MEI1: variants seen among roughly 807,000 people sequenced by gnomAD.
MEI1 encodes the protein meiotic double-stranded break formation protein 1, also known as meiosis inhibitor protein 1.
A neutral mutation model predicts 146.2 loss-of-function variants in MEI1; 103 were observed. That is an observed-to-expected ratio of 0.70 (90% confidence interval 0.60 to 0.83). The LOEUF (loss-of-function observed/expected upper bound fraction) is 0.83. MEI1 is among the 40% of genes least tolerant of loss of function. The probability of loss-of-function intolerance (pLI) is 0.00; values close to 1 mark genes in which losing one functional copy is unlikely to be tolerated. For synonymous variants in MEI1, 652 were observed against 628.2 expected (o/e 1.04, Z -0.57); for missense variants, 1,529 against 1,533.0 (o/e 1.00, Z 0.04).
At chr22:41,750,973 G>A (rs763433075) in intron 15 of MEI1, among the ~76,000 whole-genome samples, 1 of 130,806 alleles carries the variant, frequency 7.6e-6, no homozygotes, top group Non-Finnish European at 1.7e-5. Context: ...AGATCTCTTG[G>A]GGGCAGTGGT....
chr22:41,763,496 T>C (rs535160068), intron 19 of MEI1, among the ~76,000 whole-genome samples, 175 bp downstream of exon 19: 30 of 147,376 alleles, frequency 2.0e-4, no homozygotes, highest in Admixed American at 5.5e-4. Flanking sequence ...CCTGTATAAT[T>C]TACCTAATTA....
chr22:41,736,437 T>C (rs1424784753), intron 11 of MEI1, among the ~76,000 whole-genome samples: 3 of 151,980 alleles, frequency 2.0e-5, no homozygotes, highest in African/African-American at 7.2e-5. Context: ...GTATTTTTAG[T>C]AGAGACAGGG....
intron 18 of MEI1, among the ~76,000 whole-genome samples, chr22:41,760,024 A>G (rs972938715): frequency 1.3e-5 from 2 of 151,932 alleles, no homozygotes; most frequent in Non-Finnish European, 2.9e-5. Context: ...AAATACAAAA[A>G]TCAGGCCGGG....
chr22:41,795,303 T>G lies in MEI1; in HGVS notation c.3535-108T>G, dbSNP rs1210185123. On this transcript the variant is annotated intron_variant, in intron 28 of 30. Transcript: ENST00000401548. This position sits in a 1 kb window ranked among gnomAD's most constrained non-coding sequence, Gnocchi z 4.2. Reference sequence around the variant, plus strand: ...TCTGAGCTCCTTGAAGGCAGGCAGGTTCTGTGGGCTTCAGGACAGTGTCTC... The same window carrying G: ...TCTGAGCTCCTTGAAGGCAGGCAGGGTCTGTGGGCTTCAGGACAGTGTCTC... 2.0e-6 allele frequency: 3 copies of G among 1,467,868 alleles called. No homozygotes were observed. The highest frequency in any genetic ancestry group is 2.8e-6 in the Non-Finnish European group (3 of 1,075,116). The allele number at this position is 1,467,868 out of a possible 1,614,324, so 90.9% of individuals were successfully genotyped here. A position where few individuals can be genotyped will look rare whatever the true frequency, so the allele number is the denominator to read the frequency against.
Position 41,757,675 on chromosome 22 carries a change from A to G in MEI1, c.1952-690A>G, listed in dbSNP as rs532289809. Among the ~76,000 whole-genome samples the G allele has an allele frequency of 5.3e-5, 8 of 152,108 alleles. No homozygotes were observed. The South Asian group carries it at 1.2e-3, about 24-fold the overall frequency. On this transcript the variant is annotated intron_variant, in intron 17 of 30. Coordinates refer to ENST00000401548, the MANE Select transcript of MEI1 (RefSeq NM_152513.4). Reference sequence around the variant, plus strand: ...CTTCCTCTTTGACCTTTCCTTCCCCATGCCAGGCAGCCTGAGTCACTCCCT... The same window carrying G: ...CTTCCTCTTTGACCTTTCCTTCCCCGTGCCAGGCAGCCTGAGTCACTCCCT...
intron 7 of MEI1, among the ~76,000 whole-genome samples, chr22:41,728,211 A>G (rs1315807132): frequency 6.6e-6 from 1 of 152,166 alleles, no homozygotes; most frequent in Non-Finnish European, 1.5e-5. Context: ...TCAAGGGTCA[A>G]CTGTTCATTG....
chr22:41,726,076 G>A (rs1343977071), intron 7 of MEI1, among the ~76,000 whole-genome samples: 4 of 152,126 alleles, frequency 2.6e-5, no homozygotes, highest in Non-Finnish European at 4.4e-5. Flanking sequence ...TCAGGAGTTC[G>A]AGACCAGCCT....
chr22:41,748,163 ACATAACCTCTTTGT>A lies in MEI1; in HGVS notation c.1741_1754del (p.Asn581ArgfsTer72). 6.2e-7 allele frequency: 1 copy of A among 1,614,012 alleles called. No individual in the cohort carries two copies. The highest frequency in any genetic ancestry group is 1.1e-5 in the South Asian group (1 of 91,084). ...TGATGGAAGTTTTCCTCTCAATTCT[ACATAACCTCTTTGT>A]CATCGTTCCCCACATGAAGGAGAAG... On this transcript the variant is annotated frameshift_variant, in exon 15 of 31. Transcript: ENST00000401548. LOFTEE classifies it high-confidence loss of function.
intron 1 of MEI1, among the ~76,000 whole-genome samples, chr22:41,700,792 G>C (rs2147182096): frequency 6.9e-6 from 1 of 145,282 alleles, no homozygotes; most frequent in Admixed American, 6.8e-5. Flanking sequence ...ACGGTCCCGG[G>C]GGTCTCCCTG....
At chr22:41,794,550 C>G (rs1208288067) in intron 28 of MEI1, 73 bp downstream of exon 28, 1 of 1,264,712 alleles carries the variant, frequency 7.9e-7, no homozygotes, top group Non-Finnish European at 1.2e-6. Context: ...GCCAGGGTCT[C>G]CTTACTTTAG....
chr22:41,780,576 C>CTTTTTTTTTTTTTTTTTTTTTTTTTTTT (rs150215660), intron 22 of MEI1, among the ~76,000 whole-genome samples: 1 of 121,538 alleles, frequency 8.2e-6, no homozygotes, highest in Non-Finnish European at 1.8e-5. Flanking sequence ...GAATTTTTTT[C>CTTTTTTTTTTTTTTTTTTTTTTTTTTTT]TTTTCTTTTT....
intron 4 of MEI1, 68 bp downstream of exon 4, chr22:41,714,143 T>G (rs1012775368): frequency 3.9e-5 from 56 of 1,432,616 alleles, no homozygotes; most frequent in Admixed American, 5.9e-5. Flanking sequence ...GTCAACCCTT[T>G]GAACAAATGA....
chr22:41,757,036 C>G (rs1377082053), intron 17 of MEI1, among the ~76,000 whole-genome samples: 1 of 152,234 alleles, frequency 6.6e-6, no homozygotes, highest in Non-Finnish European at 1.5e-5. Context: ...CACCTTGCTT[C>G]CTTTTCTCTT....
intron 2 of MEI1, among the ~76,000 whole-genome samples, chr22:41,704,314 A>C (rs1365894797): frequency 1.3e-5 from 2 of 151,996 alleles, no homozygotes; most frequent in African/African-American, 4.8e-5. Flanking sequence ...CAGGGAATTT[A>C]TGCTAACAAG....
In MEI1 at chr22:41,766,889, A is replaced by G. The variant is rs1182151684; in HGVS notation, c.2268+3568A>G. On this transcript the variant is annotated intron_variant, in intron 19 of 30. Transcript: ENST00000401548. ...TTCACGTTGCCCTAGTTTATCAGGA[A>G]GTTGTTCTGATTAGAGTGAAAAGAA... Among the ~76,000 whole-genome samples the G allele has an allele frequency of 3.3e-5, 5 of 152,180 alleles. No homozygotes were observed. In the South Asian group the frequency reaches 1.0e-3, roughly 32 times the overall value.
At position 41,795,438 on chromosome 22, in the gene MEI1, C is replaced by T. The variant is rs368248524; in HGVS notation, c.3562C>T (p.Leu1188Phe). ...TATGCGGTACCGGAGTAGCAGTGTC[C>T]TCTCTCATGAAGAGGTGGGTGATGT... ...LFMRYRSSSV[L>F]SHEEVGDVLQ... is the part of the protein sequence containing the mutation. Residue 1188 changes from leucine to phenylalanine, a missense_variant, in exon 29 of 31, where the codon CTC (leucine) becomes TTC (phenylalanine). Around this residue, in one of 3 missense-constraint regions of MEI1, gnomAD observed 313 missense variants for 337.3 expected, o/e 0.93. Transcript: ENST00000401548. The surrounding 1 kb of genome is among the most constrained non-coding windows in gnomAD (Gnocchi z 4.2). 6.9e-5 allele frequency: 111 copies of T among 1,613,606 alleles called. No individual in the cohort carries two copies. The Admixed American group carries it at 1.3e-3, about 19-fold the overall frequency.
chr22:41,718,742 C>T (rs2070448001), intron 6 of MEI1, among the ~76,000 whole-genome samples: 1 of 152,120 alleles, frequency 6.6e-6, no homozygotes, highest in Non-Finnish European at 1.5e-5. Flanking sequence ...GTTTGTAGTT[C>T]TGGAGCCTAG....
chr22:41,750,195 A>C (rs1254843792), intron 15 of MEI1, among the ~76,000 whole-genome samples: 1 of 152,162 alleles, frequency 6.6e-6, no homozygotes, highest in African/African-American at 2.4e-5. Flanking sequence ...TGAGGGTGTA[A>C]AATGAAATGA....
chr22:41,746,889 T>A (rs879256339), intron 14 of MEI1, among the ~76,000 whole-genome samples: 1 of 152,118 alleles, frequency 6.6e-6, no homozygotes, highest in Non-Finnish European at 1.5e-5. Flanking sequence ...ACAGTAAGAC[T>A]TGGGCAACTC....
Sources: gnomAD v4.1 joint callset for allele counts (sites outside exome capture counted in the v4.1 genomes callset) on GRCh38, gnomAD v4.1.1 for gene constraint, gnomAD v4.1.1 regional missense constraint, Gnocchi (gnomAD v3.1) non-coding constraint, MANE v1.5 for transcripts, NCBI Gene and HGNC (gene_info 2026-07-23, HGNC 2026-07-21) for gene names.